Variants in ADAMTS12 observed in about 807,000 individuals in gnomAD.
ADAMTS12 encodes the protein ADAM metallopeptidase with thrombospondin type 1 motif 12, also known as A disintegrin and metalloproteinase with thrombospondin motifs 12.
A neutral mutation model predicts 167.8 loss-of-function variants in ADAMTS12; 118 were observed. The observed-to-expected ratio is 0.70, with a 90% CI of 0.61 to 0.82. The LOEUF is 0.82. Ranked by LOEUF, ADAMTS12 falls within the 40% of genes least tolerant of loss-of-function variation. The probability of loss-of-function intolerance (pLI) is 0.00; values close to 1 mark genes in which losing one functional copy is unlikely to be tolerated. For missense variants in ADAMTS12, 1,916 were observed against 1,998.8 expected, an observed-to-expected ratio of 0.96 and a Z score of 0.79; for synonymous variants, 704 against 716.9, an observed-to-expected ratio of 0.98 and a Z score of 0.29.
intron 3 of ADAMTS12, among the ~76,000 whole-genome samples, chr5:33,686,534 GA>G (rs1408864835): frequency 6.6e-5 from 10 of 152,024 alleles, no homozygotes. Context: ...GCTAGGCACT[GA>G]ATGTTTGCAT....
chr5:33,617,441 T>C (rs779478977), intron 14 of ADAMTS12, among the ~76,000 whole-genome samples: 1 of 152,154 alleles, frequency 6.6e-6, no homozygotes, highest in Non-Finnish European at 1.5e-5. Flanking sequence ...TGAAACTGGA[T>C]ACAGATCACA....
chr5:33,764,024 C>T (rs747598800), intron 2 of ADAMTS12, among the ~76,000 whole-genome samples: 3 of 152,072 alleles, frequency 2.0e-5, no homozygotes, highest in Non-Finnish European at 4.4e-5. Flanking sequence ...TGTAGTGCCA[C>T]ACACAGCATT....
At chr5:33,540,480 CT>C (rs2111782453) in intron 22 of ADAMTS12, among the ~76,000 whole-genome samples, 1 of 152,334 alleles carries the variant, frequency 6.6e-6, no homozygotes, top group East Asian at 1.9e-4. Flanking sequence ...GGTGTTTGAG[CT>C]CTGAGAATGG....
At chr5:33,616,187 G>T (rs1739003995) in intron 14 of ADAMTS12, 115 bp from the exon 15 acceptor site, 2 of 1,410,168 alleles carry the variant, frequency 1.4e-6, no homozygotes, top group Non-Finnish European at 1.9e-6. Flanking sequence ...TAGTGACCTT[G>T]CTGGGTGGCC....
At chr5:33,828,879 A>C (rs1314372895) in intron 2 of ADAMTS12, among the ~76,000 whole-genome samples, 1 of 152,108 alleles carries the variant, frequency 6.6e-6, no homozygotes, top group Admixed American at 6.6e-5. Context: ...TCTGCCCTGA[A>C]CATCCTCTTT....
At chr5:33,707,203 C>A (rs779726894) in intron 3 of ADAMTS12, among the ~76,000 whole-genome samples, 5 of 152,050 alleles carry the variant, frequency 3.3e-5, no homozygotes, top group Non-Finnish European at 7.4e-5. Context: ...TCATTCGCAA[C>A]TGCTACAAAG....
chr5:33,679,937 G>A (rs747994403), intron 5 of ADAMTS12, among the ~76,000 whole-genome samples: 25 of 152,148 alleles, frequency 1.6e-4, no homozygotes, highest in Non-Finnish European at 3.1e-4. Context: ...TCTGCTTCCT[G>A]TGCCTGCCAT....
intron 3 of ADAMTS12, among the ~76,000 whole-genome samples, chr5:33,704,085 T>C (rs1267502442): frequency 1.3e-5 from 2 of 152,188 alleles, no homozygotes; most frequent in Non-Finnish European, 2.9e-5. Flanking sequence ...TTACGCAGCT[T>C]ATGGGAACAC....
rs564391113 is a variant in ADAMTS12 at position 33,822,147 on chromosome 5, C to A, written c.489+58972G>T. On this transcript the variant is annotated intron_variant, in intron 2 of 23. Transcript: ENST00000504830. ...TCACCATGGAATATTCCATGTTCCA[C>A]AATTGAGAGATCCTATTTCTCCCTT... is the stretch of plus-strand genomic sequence containing the variant. Among the ~76,000 whole-genome samples the A allele has an allele frequency of 4.6e-5, 7 of 152,324 alleles. No individual in the cohort carries two copies. In the East Asian group the frequency reaches 1.2e-3, roughly 25 times the overall value.
intron 7 of ADAMTS12, among the ~76,000 whole-genome samples, chr5:33,654,301 T>C (rs1221673076): frequency 6.6e-6 from 1 of 152,232 alleles, no homozygotes; most frequent in Non-Finnish European, 1.5e-5. Flanking sequence ...CTCTTGACAT[T>C]CTTTGTTTTC....
chr5:33,683,159 A>G, intron 4 of ADAMTS12, 58 bp from the exon 5 acceptor site: 3 of 1,334,956 alleles, frequency 2.2e-6, no homozygotes, highest in Non-Finnish European at 3.2e-6. Flanking sequence ...AATAAATACC[A>G]GAGAAGAAAA....
intron 2 of ADAMTS12, among the ~76,000 whole-genome samples, chr5:33,877,347 T>C (rs1343362000): frequency 1.3e-5 from 2 of 152,242 alleles, no homozygotes; most frequent in African/African-American, 4.8e-5. Context: ...TCCTGTCTTC[T>C]GCACGAGGGT....
chr5:33,592,363 G>C (rs1747688504), intron 17 of ADAMTS12, among the ~76,000 whole-genome samples: 1 of 152,166 alleles, frequency 6.6e-6, no homozygotes, highest in South Asian at 2.1e-4. Context: ...ATTATTTTGT[G>C]GACTGAAACC....
intron 18 of ADAMTS12, among the ~76,000 whole-genome samples, chr5:33,583,306 T>C (rs1165659072): frequency 6.6e-6 from 1 of 152,240 alleles, no homozygotes; most frequent in East Asian, 1.9e-4. Context: ...ATCCACGTTG[T>C]TGCAAATGAC....
At chr5:33,650,742 C>A (rs1013264754) in intron 7 of ADAMTS12, among the ~76,000 whole-genome samples, 1 of 152,194 alleles carries the variant, frequency 6.6e-6, no homozygotes, top group Non-Finnish European at 1.5e-5. Flanking sequence ...TGTTTATAAG[C>A]CACGTTCTCA....
intron 3 of ADAMTS12, among the ~76,000 whole-genome samples, chr5:33,736,286 C>T (rs1466263442): frequency 1.3e-5 from 2 of 152,136 alleles, no homozygotes; most frequent in Non-Finnish European, 2.9e-5. Flanking sequence ...TGGTCTCGAA[C>T]TCCTGACCTC....
At chr5:33,847,546 C>T (rs1175735216) in intron 2 of ADAMTS12, among the ~76,000 whole-genome samples, 2 of 151,926 alleles carry the variant, frequency 1.3e-5, no homozygotes, top group East Asian at 3.9e-4. Flanking sequence ...TCACCTGAAC[C>T]CGGGAGATGG....
At chr5:33,545,827 C>T (rs1450169406) in intron 22 of ADAMTS12, among the ~76,000 whole-genome samples, 1 of 135,304 alleles carries the variant, frequency 7.4e-6, no homozygotes, top group Non-Finnish European at 1.5e-5. Flanking sequence ...CCCTTGGACA[C>T]AGGGCAGGTA....
chr5:33,839,453 A>G (rs1748660688), intron 2 of ADAMTS12, among the ~76,000 whole-genome samples: 1 of 152,156 alleles, frequency 6.6e-6, no homozygotes, highest in South Asian at 2.1e-4. Context: ...TCCTTTCCAC[A>G]TCTGTGCATT....
Sources: allele counts gnomAD v4.1 joint callset (sites outside exome capture counted in the v4.1 genomes callset), GRCh38; gene constraint gnomAD v4.1.1; transcripts MANE v1.5; gene names NCBI Gene and HGNC (gene_info 2026-07-23, HGNC 2026-07-21).